Variants in STXBP5L observed in about 807,000 individuals in gnomAD.
STXBP5L encodes syntaxin binding protein 5L.
STXBP5L carries 65 observed loss-of-function variants against 144.5 expected under a neutral mutation model. The ratio of observed to expected loss-of-function variants is 0.45; its 90% CI spans 0.37 to 0.55. The LOEUF (loss-of-function observed/expected upper bound fraction) is 0.55, where lower values mean the gene tolerates loss of function less well. Among genes scored for constraint, STXBP5L ranks in the 20% least tolerant of loss-of-function variants. The pLI, the probability that STXBP5L is intolerant of heterozygous loss-of-function variation, is 0.00. For synonymous variants in STXBP5L, 505 were observed against 469.6 expected (o/e 1.08, Z -0.97); for missense variants, 1,298 against 1,405.5 (o/e 0.92, Z 1.22).
chr3:121,042,888 TA>T lies in STXBP5L; in HGVS notation c.369+1109del, dbSNP rs1356161105. On this transcript the variant is annotated intron_variant, in intron 4 of 26. Coordinates refer to ENST00000471454, the MANE Select transcript of STXBP5L (RefSeq NM_001308330.2). ...ACATTTGAAAAATATTTCATTGTAA[TA>T]ACTGCTCATTATTATCTAGAATGTC... Among the ~76,000 whole-genome samples, 12 of 151,912 alleles carry T rather than the reference TA, an allele frequency of 7.9e-5. No homozygotes were observed. The East Asian group carries it at 2.3e-3, about 29-fold the overall frequency.
rs2047009807 is a variant in STXBP5L, at chr3:121,407,124, A to G, written c.2588-119A>G. ...TGAGCTCACAAATCTACAAATTCAT[A>G]TACATTAGGGCAATATTATGACTCT... On this transcript the variant is annotated intron_variant, in intron 22 of 26. Coordinates refer to ENST00000471454, the MANE Select transcript of STXBP5L (RefSeq NM_001308330.2). 1.1e-5 allele frequency: 14 copies of G among 1,225,232 alleles called. No homozygotes were observed. In the South Asian group the frequency reaches 2.5e-4, roughly 22 times the overall value. The allele number at this position is 1,225,232 out of a possible 1,614,324, so 75.9% of individuals were successfully genotyped here. A position where few individuals can be genotyped will look rare whatever the true frequency, so the allele number is the denominator to read the frequency against.
chr3:121,031,048 A>G (rs1488518641), intron 3 of STXBP5L, among the ~76,000 whole-genome samples: 1 of 152,122 alleles, frequency 6.6e-6, no homozygotes, highest in Non-Finnish European at 1.5e-5. Context: ...CTCCCACTGT[A>G]TCTTTATTGC....
At chr3:121,336,828 T>C (rs1354011334) in intron 20 of STXBP5L, among the ~76,000 whole-genome samples, 1 of 152,058 alleles carries the variant, frequency 6.6e-6, no homozygotes, top group Non-Finnish European at 1.5e-5. Context: ...GCACTTACAA[T>C]AGCAAAGACA....
chr3:120,920,327 T>C (rs1709300948), intron 2 of STXBP5L, among the ~76,000 whole-genome samples: 1 of 151,722 alleles, frequency 6.6e-6, no homozygotes, highest in Non-Finnish European at 1.5e-5. Context: ...AAAAATGATT[T>C]GGGGTACTTT....
chr3:121,179,020 G>A (rs1021468525), intron 9 of STXBP5L, among the ~76,000 whole-genome samples: 1 of 152,118 alleles, frequency 6.6e-6, no homozygotes, highest in African/African-American at 2.4e-5. Context: ...GGCATTACAG[G>A]AAGATGGGGA....
chr3:121,156,250 A>G (rs1331873213), intron 8 of STXBP5L, among the ~76,000 whole-genome samples: 1 of 151,988 alleles, frequency 6.6e-6, no homozygotes, highest in Non-Finnish European at 1.5e-5. Context: ...CTGCAACTCT[A>G]ATAATACTGA....
intron 7 of STXBP5L, among the ~76,000 whole-genome samples, chr3:121,127,292 A>G (rs2044753198): frequency 6.6e-6 from 1 of 152,188 alleles, no homozygotes. Flanking sequence ...ACCTTTGTAT[A>G]TTAGTTTCCT....
chr3:121,039,333 G>A (rs936413956), intron 3 of STXBP5L, among the ~76,000 whole-genome samples: 1 of 151,704 alleles, frequency 6.6e-6, no homozygotes, highest in African/African-American at 2.4e-5. Flanking sequence ...TTCAATTAAT[G>A]TTATACTACT....
In STXBP5L at chr3:121,101,495, A is replaced by G. The variant is rs537031638; in HGVS notation, c.471-13430A>G. ...ATTTAAAAACCATATGATCATCTCA[A>G]TTTACACAGAAAATGCTGTTGATAA... On this transcript the variant is annotated intron_variant, in intron 5 of 26. Coordinates refer to ENST00000471454, the MANE Select transcript of STXBP5L (RefSeq NM_001308330.2). 3.9e-5 allele frequency among the ~76,000 whole-genome samples: 6 copies of G among 152,272 alleles called. No individual in the cohort carries two copies. The South Asian group carries it at 1.0e-3, about 26-fold the overall frequency.
Position 121,214,366 on chromosome 3 carries a change from A to C in STXBP5L, c.956+8365A>C, listed in dbSNP as rs186592207. Reference sequence around the variant, plus strand: ...ATTTAGTGCTATAAATTTCTCTCTAAACACTGATTTAGCTGTGTCCCAGAG... The same window carrying C: ...ATTTAGTGCTATAAATTTCTCTCTACACACTGATTTAGCTGTGTCCCAGAG... On this transcript the variant is annotated intron_variant, in intron 10 of 26. Transcript: ENST00000471454. Among the ~76,000 whole-genome samples the C allele has an allele frequency of 2.2e-3, 333 of 152,232 alleles. 2 individuals carry two copies. Among genetic ancestry groups the C allele is most frequent in the African/African-American group, 7.7e-3 (322 of 41,552 alleles).
At chr3:121,197,438 C>G (rs944196325) in intron 9 of STXBP5L, among the ~76,000 whole-genome samples, 5 of 151,900 alleles carry the variant, frequency 3.3e-5, no homozygotes, top group African/African-American at 1.2e-4. Flanking sequence ...TGTACTCCTC[C>G]TTTACTGATT....
intron 14 of STXBP5L, among the ~76,000 whole-genome samples, chr3:121,243,105 G>A (rs1289813114): frequency 6.6e-6 from 1 of 152,176 alleles, no homozygotes; most frequent in Admixed American, 6.6e-5. Flanking sequence ...CTTTTTGAGG[G>A]AAAGAAAAGA....
chr3:120,980,108 G>T (rs571149934), intron 3 of STXBP5L, among the ~76,000 whole-genome samples: 15 of 152,202 alleles, frequency 9.9e-5, no homozygotes, highest in African/African-American at 3.6e-4. Context: ...CAATTTAAAA[G>T]TTTTATTGAC....
At position 121,360,523 on chromosome 3, in the gene STXBP5L, A is replaced by G. The variant is rs183830422; in HGVS notation, c.2177-18193A>G. On this transcript the variant is annotated intron_variant, in intron 20 of 26. Coordinates refer to ENST00000471454, the MANE Select transcript of STXBP5L (RefSeq NM_001308330.2). ...AGTGAACATGATATTTTTGGGTGAT[A>G]TGATTTCGTTTCCTGCTTTTTATTT... Among the ~76,000 whole-genome samples the G allele has an allele frequency of 2.3e-3, 351 of 152,076 alleles. 1 individual carries two copies. Among genetic ancestry groups the G allele is most frequent in the African/African-American group, 7.4e-3 (306 of 41,500 alleles).
chr3:120,996,377 CAT>C (rs1044535433), intron 3 of STXBP5L, among the ~76,000 whole-genome samples: 28 of 151,818 alleles, frequency 1.8e-4, no homozygotes, highest in Middle Eastern at 3.4e-3. Flanking sequence ...TATACAATGT[CAT>C]ATATATTTTT....
chr3:121,165,005 T>A (rs116794161), intron 9 of STXBP5L, among the ~76,000 whole-genome samples: 1 of 152,254 alleles, frequency 6.6e-6, no homozygotes, highest in Non-Finnish European at 1.5e-5. Context: ...TATTTGAGAT[T>A]TCTGCTAAGA....
chr3:121,414,355 G>A (rs549435322), intron 24 of STXBP5L, among the ~76,000 whole-genome samples: 1 of 152,142 alleles, frequency 6.6e-6, no homozygotes, highest in Non-Finnish European at 1.5e-5. Context: ...AAGGGAGGTG[G>A]TTTAACCCGT....
rs749559596 is a variant in STXBP5L at position 121,318,506 on chromosome 3, C to G, written c.2142C>G (p.Pro714=). ...CTGAACTGAATGACAGTCCAGTTCC[C>G]CTAGAACTTGAGCGCTGCAAGTCTC... ...GLTELNDSPV[P]LELERCKSPT... The change falls in exon 20 of 27, where the codon CCC becomes CCG. Residue 714 remains proline, a synonymous_variant. Coordinates refer to ENST00000471454, the MANE Select transcript of STXBP5L (RefSeq NM_001308330.2). The G allele has an allele frequency of 1.3e-6, 2 of 1,564,196 alleles. No homozygotes were observed. The highest frequency in any genetic ancestry group is 3.7e-5 in the Admixed American group (2 of 53,964).
intron 9 of STXBP5L, among the ~76,000 whole-genome samples, chr3:121,204,284 CT>C (rs1490705189): frequency 6.6e-6 from 1 of 152,100 alleles, no homozygotes; most frequent in Non-Finnish European, 1.5e-5. Flanking sequence ...CAAAAGTTTT[CT>C]CTTTCTAAGA....
Sources: allele counts gnomAD v4.1 joint callset (sites outside exome capture counted in the v4.1 genomes callset), GRCh38; gene constraint gnomAD v4.1.1; transcripts MANE v1.5; gene names NCBI Gene and HGNC (gene_info 2026-07-23, HGNC 2026-07-21).